Variants in TRPC3 observed in about 807,000 individuals in gnomAD.
The protein encoded by TRPC3 is transient receptor potential cation channel subfamily C member 3.
Under a neutral mutation model 90.9 loss-of-function variants are expected in TRPC3, and 54 were observed. The observed-to-expected ratio is 0.59, with a 90% CI of 0.48 to 0.75. The LOEUF (loss-of-function observed/expected upper bound fraction) is 0.75. TRPC3 is among the 30% of genes least tolerant of loss of function. The pLI is 0.00. For synonymous variants in TRPC3, 424 were observed against 450.9 expected, an observed-to-expected ratio of 0.94 and a Z score of 0.75; for missense variants, 918 against 1,194.5, an observed-to-expected ratio of 0.77 and a Z score of 3.41.
chr4:121,934,062 G>T (rs140839668), intron 1 of TRPC3, among the ~76,000 whole-genome samples: 5 of 152,240 alleles, frequency 3.3e-5, no homozygotes, highest in Admixed American at 6.5e-5. Context: ...AGATCAATGC[G>T]CACTGAAATC....
intron 3 of TRPC3, among the ~76,000 whole-genome samples, chr4:121,921,498 G>A (rs1729507010): frequency 7.0e-6 from 1 of 142,954 alleles, no homozygotes; most frequent in Non-Finnish European, 1.5e-5. Flanking sequence ...CTCCAGCCTG[G>A]GCGACAGAGC....
chr4:121,934,694 A>T (rs954589407), intron 1 of TRPC3, among the ~76,000 whole-genome samples: 2 of 152,180 alleles, frequency 1.3e-5, no homozygotes, highest in Admixed American at 6.5e-5. Flanking sequence ...TGGATGACTA[A>T]ATTGGGAAGC....
intron 11 of TRPC3, among the ~76,000 whole-genome samples, chr4:121,881,539 T>G (rs1230532191): frequency 6.6e-6 from 1 of 152,202 alleles, no homozygotes; most frequent in East Asian, 1.9e-4. Context: ...TTCACAGGTT[T>G]CTCTTCTACA....
Position 121,932,426 on chromosome 4 carries a change from G to A in TRPC3, c.832C>T (p.His278Tyr). 1.2e-6 allele frequency: 2 copies of A among 1,614,150 alleles called. No individual in the cohort carries two copies. Among genetic ancestry groups the A allele is most frequent in the Non-Finnish European group, 8.5e-7 (1 of 1,180,006 alleles). The change falls in exon 2 of 12, where the codon CAC becomes TAC. Residue 278 changes from histidine to tyrosine, a missense_variant. By Grantham distance (83) the His-to-Tyr change is moderately conservative. Coordinates refer to ENST00000379645, the MANE Select transcript of TRPC3 (RefSeq NM_001130698.2). The surrounding 1 kb of genome is among the most constrained non-coding windows in gnomAD (Gnocchi z 7.7). ...KCGDCMEKQR[H>Y]DSFSHSRSRI... is the part of the protein sequence containing the mutation. ...GAGCGTGAGTGGCTGAAGGAGTCGT[G>A]CCTCTGCTTCTCCATGCAGTCCCCG... is the stretch of plus-strand genomic sequence containing the variant.
chr4:121,923,573 G>C (rs551657139), intron 3 of TRPC3, among the ~76,000 whole-genome samples: 1 of 152,328 alleles, frequency 6.6e-6, no homozygotes, highest in South Asian at 2.1e-4. Context: ...AATACTTATT[G>C]AGAAATCACC....
intron 3 of TRPC3, among the ~76,000 whole-genome samples, chr4:121,916,165 G>A (rs971992301): frequency 7.2e-5 from 11 of 152,094 alleles, no homozygotes; most frequent in Non-Finnish European, 1.5e-4. Flanking sequence ...ATTAATATTT[G>A]GCTCTTTATC....
intron 6 of TRPC3, among the ~76,000 whole-genome samples, chr4:121,909,041 T>C (rs942503535): frequency 2.6e-5 from 4 of 152,084 alleles, no homozygotes; most frequent in Non-Finnish European, 4.4e-5. Flanking sequence ...CCTGAATCCA[T>C]CCCTTCCAGA....
intron 4 of TRPC3, among the ~76,000 whole-genome samples, chr4:121,913,740 CA>C (rs1403546464): frequency 2.0e-5 from 3 of 152,094 alleles, no homozygotes; most frequent in African/African-American, 7.2e-5. Flanking sequence ...TTCCATGATA[CA>C]TAACAAAAGA....
In TRPC3 at chr4:121,903,084, A is replaced by G. The variant is rs200880391; in HGVS notation, c.2254-23T>C. 3.1e-5 allele frequency: 49 copies of G among 1,573,842 alleles called. No homozygotes were observed. In the South Asian group the frequency reaches 5.6e-4, roughly 18 times the overall value. The stretch of plus-strand genomic sequence containing the variant: ...ATCCTGTGTCACAAAAATAGAAAAA[A>G]AAACTAATTTTAAATGCTAAATATT... On this transcript the variant is annotated intron_variant, in intron 8 of 11. Transcript: ENST00000379645.
Position 121,932,492 on chromosome 4 carries a change from C to A in TRPC3, c.766G>T (p.Gly256Cys). ...YEVVHMLLMK[G>C]ARIERPHDYF... is the part of the protein sequence containing the mutation. ...TCGTGCGGCCGCTCGATCCTGGCAC[C>A]CTTCATCAGCAGCATGTGCACCACT... The change falls in exon 2 of 12, where the codon GGT becomes TGT. Residue 256 changes from glycine to cysteine, a missense_variant. Around this residue, in one of 4 missense-constraint regions of TRPC3, gnomAD observed 609 missense variants for 725.9 expected, o/e 0.84. Transcript: ENST00000379645. The surrounding 1 kb of genome is among the most constrained non-coding windows in gnomAD (Gnocchi z 7.7). 5 of 1,614,220 alleles carry A rather than the reference C, an allele frequency of 3.1e-6. No individual in the cohort carries two copies. Among genetic ancestry groups the A allele is most frequent in the Non-Finnish European group, 4.2e-6 (5 of 1,180,036 alleles).
chr4:121,951,526 G>C lies in TRPC3; in HGVS notation c.155C>G (p.Ala52Gly), dbSNP rs756617597. 7.2e-7 allele frequency: 1 copy of C among 1,393,848 alleles called. No individual in the cohort carries two copies. Among genetic ancestry groups the C allele is most frequent in the East Asian group, 3.1e-5 (1 of 32,406 alleles). 86.3% of individuals were successfully genotyped at this position (1,393,848 alleles called of 1,614,324 possible). Residue 52 changes from alanine (A) to glycine (G), a missense_variant, in exon 1 of 12, where the codon GCG becomes GGG. This residue lies in a region of TRPC3 where 609 missense variants were observed against 725.9 expected (regional missense o/e 0.84). Transcript: ENST00000379645. This position sits in a 1 kb window ranked among gnomAD's most constrained non-coding sequence, Gnocchi z 4.4. ...GVNGGLEPRS[A>G]PSQREPHGYC... Reference sequence around the variant, plus strand: ...GCCGTGCGGCTCCCGCTGCGAGGGCGCCGAGCGCGGCTCCAGCCCCCCGTT... The same window carrying C: ...GCCGTGCGGCTCCCGCTGCGAGGGCCCCGAGCGCGGCTCCAGCCCCCCGTT...
intron 2 of TRPC3, among the ~76,000 whole-genome samples, chr4:121,929,593 C>T (rs1438570932): frequency 6.6e-6 from 1 of 152,118 alleles, no homozygotes; most frequent in Non-Finnish European, 1.5e-5. Flanking sequence ...CTTTAATAAC[C>T]TGTCACCGAG....
intron 1 of TRPC3, among the ~76,000 whole-genome samples, chr4:121,935,013 A>T (rs994181022): frequency 5.3e-5 from 8 of 152,228 alleles, no homozygotes; most frequent in Non-Finnish European, 1.2e-4. Flanking sequence ...ATGTGTTTGT[A>T]GCAATTTCTA....
intron 1 of TRPC3, among the ~76,000 whole-genome samples, chr4:121,936,536 C>A: frequency 6.6e-6 from 1 of 152,208 alleles, no homozygotes; most frequent in East Asian, 1.9e-4. Context: ...TAATATCCAA[C>A]TGCTATGGAC....
At position 121,874,775 on chromosome 4, in the gene TRPC3, T is replaced by TTTTGAGGACTTTAACATGAG. The variant is rs1727721257; in HGVS notation, c.*4960_*4961insCTCATGTTAAAGTCCTCAAA. On this transcript the variant is annotated 3_prime_UTR_variant, in exon 12 of 12. Coordinates refer to ENST00000379645, the MANE Select transcript of TRPC3 (RefSeq NM_001130698.2). ...CTGAAGGCGAGGACTTTAACATGAG[T>TTTTGAGGACTTTAACATGAG]TTTGAGGGGACACAATTCAGCCCAT... Among the ~76,000 whole-genome samples the TTTTGAGGACTTTAACATGAG allele has an allele frequency of 6.6e-6, 1 of 151,934 alleles. No individual in the cohort carries two copies. Among genetic ancestry groups the TTTTGAGGACTTTAACATGAG allele is most frequent in the East Asian group, 1.9e-4 (1 of 5,160 alleles).
In TRPC3 at chr4:121,911,269, T is replaced by G. The variant is rs78090388; in HGVS notation, c.1558+608A>C. Among the ~76,000 whole-genome samples, 1,232 of 152,300 alleles carry G rather than the reference T, an allele frequency of 8.1e-3. 7 individuals carry two copies. Among genetic ancestry groups the G allele is most frequent in the Non-Finnish European group, 0.013 (851 of 68,002 alleles). On this transcript the variant is annotated intron_variant, in intron 5 of 11. Coordinates refer to ENST00000379645, the MANE Select transcript of TRPC3 (RefSeq NM_001130698.2). The stretch of plus-strand genomic sequence containing the variant: ...TCGGATTAATCAGAAATAAACAACC[T>G]GGTTCCAATCTCCATTTCTTAGCAG...
At chr4:121,891,928 T>A (rs964683613) in intron 10 of TRPC3, among the ~76,000 whole-genome samples, 4 of 152,228 alleles carry the variant, frequency 2.6e-5, no homozygotes, top group Non-Finnish European at 5.9e-5. Context: ...TCTACAGGTA[T>A]GTGCACTGCA....
chr4:121,942,435 G>A (rs6534329), intron 1 of TRPC3, among the ~76,000 whole-genome samples: 6,223 of 152,202 alleles, frequency 0.041, 441 homozygotes, highest in African/African-American at 0.14. Context: ...GGTGGTGCAT[G>A]CCTATAATCC....
At chr4:121,945,476 A>G (rs962688730) in intron 1 of TRPC3, among the ~76,000 whole-genome samples, 3 of 152,320 alleles carry the variant, frequency 2.0e-5, no homozygotes, top group African/African-American at 7.2e-5. Context: ...AAAATAGTAA[A>G]TCATTTAGTG....
Sources: allele counts gnomAD v4.1 joint callset (sites outside exome capture counted in the v4.1 genomes callset), GRCh38; gene constraint gnomAD v4.1.1; regional missense constraint gnomAD v4.1.1; non-coding constraint Gnocchi (gnomAD v3.1); transcripts MANE v1.5; gene names NCBI Gene and HGNC (gene_info 2026-07-23, HGNC 2026-07-21).